The following CDKAL1 variants were observed in gnomAD, a reference collection of about 807,000 sequenced individuals.
CDKAL1 encodes the protein threonylcarbamoyladenosine tRNA methylthiotransferase.
A neutral mutation model predicts 68.2 loss-of-function variants in CDKAL1; 32 were observed. The ratio of observed to expected loss-of-function variants is 0.47; its 90% CI spans 0.35 to 0.63. The LOEUF (loss-of-function observed/expected upper bound fraction) is 0.63. Ranked by LOEUF, CDKAL1 falls within the 30% of genes least tolerant of loss-of-function variation. The pLI is 0.00. For synonymous variants in CDKAL1, 234 were observed against 244.3 expected (o/e 0.96, Z 0.39); for missense variants, 606 against 696.7 (o/e 0.87, Z 1.47).
chr6:20,851,459 ACAC>A (rs1759008738), intron 9 of CDKAL1, among the ~76,000 whole-genome samples: 1 of 152,164 alleles, frequency 6.6e-6, no homozygotes, highest in African/African-American at 2.4e-5. Context: ...TGTGGAAACA[ACAC>A]CTTTCACCGC....
At chr6:20,646,218 G>A (rs547978689) in intron 4 of CDKAL1, among the ~76,000 whole-genome samples, 52 of 151,450 alleles carry the variant, frequency 3.4e-4, no homozygotes, top group African/African-American at 1.2e-3. Flanking sequence ...TACTGCACCC[G>A]GCTAATTTTT....
At chr6:20,791,115 A>T (rs1775881356) in intron 8 of CDKAL1, among the ~76,000 whole-genome samples, 1 of 152,156 alleles carries the variant, frequency 6.6e-6, no homozygotes, top group Non-Finnish European at 1.5e-5. Flanking sequence ...TGGGGACCCG[A>T]CACCCTCTGC....
intron 11 of CDKAL1, among the ~76,000 whole-genome samples, chr6:21,031,096 C>T (rs556935972): frequency 1.1e-4 from 17 of 152,120 alleles, no homozygotes; most frequent in East Asian, 5.8e-4. Context: ...AGGTATTGGT[C>T]GGGGCTGTGC....
At chr6:20,862,271 G>C (rs949252376) in intron 9 of CDKAL1, among the ~76,000 whole-genome samples, 3 of 152,174 alleles carry the variant, frequency 2.0e-5, no homozygotes, top group Non-Finnish European at 4.4e-5. Flanking sequence ...TTATATCACG[G>C]AGTAATAAGA....
In CDKAL1 at chr6:20,573,428, A is replaced by G. The variant is rs1312192015; in HGVS notation, c.286+24723A>G. On this transcript the variant is annotated intron_variant, in intron 4 of 15. Transcript: ENST00000274695. ...GCTAAGGAGTTTTTTATGCTCCAAA[A>G]AGATGGCAGATGGAAATGAACCTAA... Among the ~76,000 whole-genome samples the G allele has an allele frequency of 3.3e-5, 5 of 152,180 alleles. No homozygotes were observed. The South Asian group carries it at 8.3e-4, about 25-fold the overall frequency.
intron 6 of CDKAL1, chr6:20,756,225 T>TA (rs1774164358): frequency 2.0e-5 from 3 of 152,176 alleles, no homozygotes; most frequent in Admixed American, 2.0e-4. Flanking sequence ...AATAAATAGT[T>TA]ACTTGTACGA....
At chr6:20,726,357 A>T (rs1772657353) in intron 5 of CDKAL1, among the ~76,000 whole-genome samples, 1 of 152,136 alleles carries the variant, frequency 6.6e-6, no homozygotes, top group African/African-American at 2.4e-5. Context: ...TATACCTCAC[A>T]TGTACTGACT....
intron 9 of CDKAL1, among the ~76,000 whole-genome samples, chr6:20,892,181 ACT>A (rs1282248089): frequency 6.6e-6 from 1 of 152,082 alleles, no homozygotes; most frequent in Non-Finnish European, 1.5e-5. Context: ...AGACTGTGAA[ACT>A]CTTTACTGGA....
chr6:20,732,329 T>G (rs1188096251), intron 5 of CDKAL1, among the ~76,000 whole-genome samples: 1 of 142,336 alleles, frequency 7.0e-6, no homozygotes, highest in Non-Finnish European at 1.5e-5. Flanking sequence ...CAGGCTGGAG[T>G]GCAGTGGCAC....
At chr6:20,890,472 A>G (rs138343463) in intron 9 of CDKAL1, among the ~76,000 whole-genome samples, 6 of 152,352 alleles carry the variant, frequency 3.9e-5, no homozygotes, top group African/African-American at 1.4e-4. Context: ...AAATAATTCC[A>G]TGTATTTTCA....
intron 8 of CDKAL1, among the ~76,000 whole-genome samples, chr6:20,835,938 A>G (rs1190407930): frequency 2.0e-5 from 3 of 152,132 alleles, no homozygotes; most frequent in Non-Finnish European, 4.4e-5. Context: ...GCTTATCAAA[A>G]TGAGATGTAT....
At chr6:20,901,881 A>G (rs919042797) in intron 9 of CDKAL1, among the ~76,000 whole-genome samples, 1 of 151,286 alleles carries the variant, frequency 6.6e-6, no homozygotes, top group African/African-American at 2.4e-5. Flanking sequence ...GGCTCAAGCA[A>G]TTTTCATGCC....
At chr6:20,976,239 G>T (rs896809730) in intron 10 of CDKAL1, among the ~76,000 whole-genome samples, 1 of 152,076 alleles carries the variant, frequency 6.6e-6, no homozygotes, top group African/African-American at 2.4e-5. Flanking sequence ...TTGTCTGAAT[G>T]TATCACAACT....
intron 5 of CDKAL1, among the ~76,000 whole-genome samples, chr6:20,705,052 T>C (rs534036012): frequency 2.0e-5 from 3 of 152,360 alleles, no homozygotes; most frequent in African/African-American, 7.2e-5. Context: ...TAATTAATAG[T>C]TGTAAATTTA....
At chr6:21,022,638 C>T (rs1480233673) in intron 11 of CDKAL1, among the ~76,000 whole-genome samples, 1 of 152,172 alleles carries the variant, frequency 6.6e-6, no homozygotes, top group South Asian at 2.1e-4. Flanking sequence ...CTTCTGGTCA[C>T]GGTCTCCCTC....
chr6:20,961,626 G>T (rs1294850753), intron 10 of CDKAL1, among the ~76,000 whole-genome samples: 3 of 152,054 alleles, frequency 2.0e-5, no homozygotes, highest in African/African-American at 4.8e-5. Context: ...AATTAGCCGG[G>T]TGTGGTGGCG....
intron 5 of CDKAL1, among the ~76,000 whole-genome samples, chr6:20,675,590 G>A (rs181275547): frequency 3.9e-4 from 59 of 152,206 alleles, no homozygotes; most frequent in African/African-American, 1.3e-3. Context: ...TTGTAATGTT[G>A]TCACACAATG....
intron 9 of CDKAL1, among the ~76,000 whole-genome samples, chr6:20,910,269 C>T (rs1399983532): frequency 6.6e-6 from 1 of 152,122 alleles, no homozygotes; most frequent in African/African-American, 2.4e-5. Context: ...ACAAGTACCT[C>T]AGGTAGTTCT....
At chr6:21,166,367 G>A (rs537676797) in intron 13 of CDKAL1, among the ~76,000 whole-genome samples, 1 of 152,268 alleles carries the variant, frequency 6.6e-6, no homozygotes, top group African/African-American at 2.4e-5. Context: ...TTTGGACTTT[G>A]TAAAGAAAAT....
Sources: gnomAD v4.1 joint callset for allele counts (sites outside exome capture counted in the v4.1 genomes callset) on GRCh38, gnomAD v4.1.1 for gene constraint, MANE v1.5 for transcripts, NCBI Gene and HGNC (gene_info 2026-07-23, HGNC 2026-07-21) for gene names.